Variants in NBAS observed in about 807,000 individuals in gnomAD.
The protein encoded by NBAS is NBAS subunit of NRZ tethering complex, also known as NAG/BC035112 fusion.
In NBAS, 219 loss-of-function variants were observed where a neutral mutation model predicts 302.5. The observed-to-expected ratio is 0.72, with a 90% confidence interval of 0.65 to 0.81. The LOEUF (loss-of-function observed/expected upper bound fraction) is 0.81. Ranked by LOEUF, NBAS falls within the 30% of genes least tolerant of loss-of-function variation. NBAS has a pLI of 0.00. For synonymous variants in NBAS, 1,118 were observed against 1,021.6 expected, an observed-to-expected ratio of 1.09 and a Z score of -1.80; for missense variants, 2,932 against 2,841.6, an observed-to-expected ratio of 1.03 and a Z score of -0.72.
At chr2:15,103,921 T>C in the NBAS span, among the ~76,000 whole-genome samples, 1 of 152,202 alleles carries the variant, frequency 6.6e-6, no homozygotes, top group Non-Finnish European at 1.5e-5. Context: ...TATTTTTCTT[T>C]CATGCTAAAT....
At chr2:14,787,556 T>C in the NBAS span, among the ~76,000 whole-genome samples, 3 of 152,268 alleles carry the variant, frequency 2.0e-5, no homozygotes, top group South Asian at 6.2e-4. Context: ...GCCTGTAAAG[T>C]ATTTTACTTC....
intron 48 of NBAS, among the ~76,000 whole-genome samples, chr2:15,202,520 G>GTTTATTTATTTA (rs57260326): frequency 1.3e-5 from 2 of 149,802 alleles, no homozygotes; most frequent in African/African-American, 2.5e-5. Context: ...GTGTTTGTTT[G>GTTTATTTATTTA]TTTATTTATT....
At chr2:15,250,316 G>A (rs1668303449) in intron 44 of NBAS, among the ~76,000 whole-genome samples, 1 of 152,138 alleles carries the variant, frequency 6.6e-6, no homozygotes, top group African/African-American at 2.4e-5. Flanking sequence ...ATTAACTCAA[G>A]ATGGATTAAA....
the NBAS span, among the ~76,000 whole-genome samples, chr2:15,005,182 C>A: frequency 6.6e-6 from 1 of 152,086 alleles, no homozygotes; most frequent in African/African-American, 2.4e-5. Context: ...TAAATGCGCG[C>A]ATGGGTATTG....
the NBAS span, among the ~76,000 whole-genome samples, chr2:14,854,631 G>T: frequency 6.6e-6 from 1 of 152,112 alleles, no homozygotes; most frequent in Non-Finnish European, 1.5e-5. Flanking sequence ...GGGACCTGGG[G>T]CAGGGAAAAC....
downstream of NBAS, among the ~76,000 whole-genome samples, chr2:15,166,568 T>C (rs533886583): frequency 1.3e-5 from 2 of 152,242 alleles, no homozygotes; most frequent in East Asian, 1.9e-4. Flanking sequence ...ACCACCCTTA[T>C]TTTTCTACAA....
At position 15,366,545 on chromosome 2, in the gene NBAS, A is replaced by G. The variant is rs1007708668; in HGVS notation, c.3817+35T>C. 2.6e-6 allele frequency: 4 copies of G among 1,550,244 alleles called. No homozygotes were observed. The African/African-American group carries it at 4.1e-5, about 16-fold the overall frequency. Reference sequence around the variant, plus strand: ...CAATGATGTCAAGAATAACATAGAAAGCTTATTCTGCAGTTTAGTACTCAA... The same window carrying G: ...CAATGATGTCAAGAATAACATAGAAGGCTTATTCTGCAGTTTAGTACTCAA... On this transcript the variant is annotated intron_variant, in intron 32 of 51. Transcript: ENST00000281513.
intron 37 of NBAS, 121 bp downstream of exon 37, chr2:15,328,078 T>G (rs957884847): frequency 1.2e-5 from 14 of 1,195,956 alleles, no homozygotes; most frequent in Non-Finnish European, 1.4e-5. Flanking sequence ...TAAAAACCAA[T>G]GAATAACATG....
At chr2:15,538,988 ATATT>A (rs1230941521) in intron 7 of NBAS, among the ~76,000 whole-genome samples, 4 of 152,110 alleles carry the variant, frequency 2.6e-5, no homozygotes, top group Admixed American at 2.6e-4. Context: ...TTCTGTACCT[ATATT>A]TAGTGTTTAC....
chr2:15,069,290 A>T, the NBAS span, among the ~76,000 whole-genome samples: 1 of 152,220 alleles, frequency 6.6e-6, no homozygotes, highest in Admixed American at 6.5e-5. Flanking sequence ...CCAGATGTTC[A>T]GGGCTACCTA....
At chr2:14,940,604 T>C in the NBAS span, among the ~76,000 whole-genome samples, 2 of 152,192 alleles carry the variant, frequency 1.3e-5, no homozygotes, top group Non-Finnish European at 2.9e-5. Context: ...GCCTGACAAC[T>C]CACCAGGCTT....
chr2:15,023,044 A>C, the NBAS span, among the ~76,000 whole-genome samples: 1 of 151,660 alleles, frequency 6.6e-6, no homozygotes, highest in African/African-American at 2.4e-5. Flanking sequence ...ATTTCTCCTC[A>C]TCTGCACCCA....
At chr2:14,953,838 A>G in the NBAS span, among the ~76,000 whole-genome samples, 1 of 152,214 alleles carries the variant, frequency 6.6e-6, no homozygotes, top group South Asian at 2.1e-4. Context: ...ATAAATGGAT[A>G]AAAAGTTATA....
At chr2:15,314,989 G>T (rs2148180900) in intron 38 of NBAS, among the ~76,000 whole-genome samples, 1 of 152,264 alleles carries the variant, frequency 6.6e-6, no homozygotes, top group Admixed American at 6.5e-5. Flanking sequence ...TCAGAGCATG[G>T]GGTGCCCTGT....
At chr2:15,189,499 G>A (rs928283095) in intron 49 of NBAS, among the ~76,000 whole-genome samples, 12 of 152,120 alleles carry the variant, frequency 7.9e-5, no homozygotes, top group East Asian at 7.7e-4. Context: ...GAGCCAAACA[G>A]GCACTTGCGA....
the NBAS span, among the ~76,000 whole-genome samples, chr2:14,968,992 C>G: frequency 6.6e-6 from 1 of 152,158 alleles, no homozygotes; most frequent in African/African-American, 2.4e-5. Flanking sequence ...CATATTCACA[C>G]AATGGTATAT....
chr2:15,275,562 C>T lies in NBAS; in HGVS notation c.5646G>A (p.Lys1882=), dbSNP rs1669536823. 3.1e-6 allele frequency: 5 copies of T among 1,613,936 alleles called. No individual in the cohort carries two copies. The African/African-American group carries it at 4.0e-5, about 13-fold the overall frequency. The part of the protein sequence containing the change: ...EWLHAYDVCM[K]YFDRLHPGDL... ...CACCTGGGTGGAGACGATCAAAGTACTTCATGCAGACATCATAGGCATGAA... is the reference window on the plus strand; with the variant it reads ...CACCTGGGTGGAGACGATCAAAGTATTTCATGCAGACATCATAGGCATGAA... The change falls in exon 44 of 52, where the codon AAG becomes AAA. Residue 1882 remains lysine (K), a synonymous_variant. Transcript: ENST00000281513.
chr2:14,982,756 T>C, the NBAS span, among the ~76,000 whole-genome samples: 2 of 152,096 alleles, frequency 1.3e-5, no homozygotes, highest in East Asian at 3.9e-4. Flanking sequence ...AATTTAAAAA[T>C]GCAATAATTA....
intron 21 of NBAS, among the ~76,000 whole-genome samples, chr2:15,431,923 C>A (rs1011121528): frequency 6.6e-6 from 1 of 152,002 alleles, no homozygotes; most frequent in Non-Finnish European, 1.5e-5. Context: ...TCTGTTCTTA[C>A]CTTTTAAAAA....
Sources: allele counts gnomAD v4.1 joint callset (sites outside exome capture counted in the v4.1 genomes callset), GRCh38; gene constraint gnomAD v4.1.1; transcripts MANE v1.5; gene names NCBI Gene and HGNC (gene_info 2026-07-23, HGNC 2026-07-21).